FBXO33: variants seen among roughly 807,000 people sequenced by gnomAD.
The protein encoded by FBXO33 is F-box protein 33.
A neutral mutation model predicts 46.3 loss-of-function variants in FBXO33; 22 were observed. That is an observed-to-expected ratio of 0.48 (90% CI 0.34 to 0.68). The LOEUF is 0.68. Among genes scored for constraint, FBXO33 ranks in the 30% least tolerant of loss-of-function variants. The pLI is 0.01. For synonymous variants in FBXO33, 337 were observed against 291.3 expected, an observed-to-expected ratio of 1.16 and a Z score of -1.60; for missense variants, 692 against 708.8, an observed-to-expected ratio of 0.98 and a Z score of 0.27.
chr14:39,402,802 C>A (rs2075374950), intron 1 of FBXO33, among the ~76,000 whole-genome samples: 1 of 151,790 alleles, frequency 6.6e-6, no homozygotes, highest in Non-Finnish European at 1.5e-5. Flanking sequence ...CCTGCCTCAG[C>A]CTCCCGACTA....
chr14:39,399,607 T>A lies in FBXO33; in HGVS notation c.1577A>T (p.His526Leu), dbSNP rs759763967. ...GAGTGATTCGATGTCCATGACTGCA[T>A]GCCAAGGTTGACCCAGGCCCAGGGA... is the stretch of plus-strand genomic sequence containing the variant. ...QVSLGLGQPW[H>L]AVMDIESLSV... The change falls in exon 4 of 4, where the codon CAT becomes CTT. Residue 526 changes from histidine (H) to leucine (L), a missense_variant. Transcript: ENST00000298097. 6.2e-7 allele frequency: 1 copy of A among 1,613,924 alleles called. No homozygotes were observed. Among genetic ancestry groups the A allele is most frequent in the Non-Finnish European group, 8.5e-7 (1 of 1,179,940 alleles).
At chr14:39,419,348 T>G (rs554745383) in intron 1 of FBXO33, among the ~76,000 whole-genome samples, 13 of 152,322 alleles carry the variant, frequency 8.5e-5, no homozygotes, top group Admixed American at 8.5e-4. Context: ...CTTTAAAAGT[T>G]AGAAAACCAT....
At chr14:39,405,097 C>T (rs1216905609) in intron 1 of FBXO33, among the ~76,000 whole-genome samples, 3 of 145,006 alleles carry the variant, frequency 2.1e-5, no homozygotes, top group African/African-American at 5.2e-5. Flanking sequence ...TGCAGTGAGC[C>T]GAGATCACGC....
chr14:39,430,015 T>C (rs1208550174), intron 1 of FBXO33, among the ~76,000 whole-genome samples: 2 of 152,246 alleles, frequency 1.3e-5, no homozygotes, highest in African/African-American at 2.4e-5. Flanking sequence ...AGTGTTTGCA[T>C]GGTTGCATAA....
At chr14:39,417,550 A>G (rs199744825) in intron 1 of FBXO33, among the ~76,000 whole-genome samples, 1 of 146,436 alleles carries the variant, frequency 6.8e-6, no homozygotes, top group Admixed American at 6.8e-5. Context: ...TTTTTTTTTG[A>G]AACAGAGTCT....
At chr14:39,415,227 G>A (rs1303491139) in intron 1 of FBXO33, among the ~76,000 whole-genome samples, 1 of 152,122 alleles carries the variant, frequency 6.6e-6, no homozygotes, top group African/African-American at 2.4e-5. Context: ...TAGCCCAGGA[G>A]GTGAGGCTGC....
At chr14:39,431,428 G>GA (rs2075548831) in intron 1 of FBXO33, 136 bp downstream of exon 1, 7 of 1,474,968 alleles carry the variant, frequency 4.7e-6, no homozygotes, top group South Asian at 2.4e-5. Flanking sequence ...CGCCTAGTTA[G>GA]AACCAACACT....
At chr14:39,424,321 G>A (rs12587625) in intron 1 of FBXO33, among the ~76,000 whole-genome samples, 40,294 of 151,848 alleles carry the variant, frequency 0.27, 5,569 homozygotes, top group East Asian at 0.51. Context: ...ATATTTCTTC[G>A]TAGCATATAT....
chr14:39,427,020 A>G (rs961516492), intron 1 of FBXO33, among the ~76,000 whole-genome samples: 1 of 152,116 alleles, frequency 6.6e-6, no homozygotes, highest in Non-Finnish European at 1.5e-5. Flanking sequence ...AAAACCCTAG[A>G]TTTTCTATAA....
At chr14:39,400,172 G>A (rs1435981926) in intron 3 of FBXO33, among the ~76,000 whole-genome samples, 2 of 152,290 alleles carry the variant, frequency 1.3e-5, no homozygotes, top group East Asian at 1.9e-4. Flanking sequence ...TTAACCACAC[G>A]TGGTAAATGT....
chr14:39,402,663 A>C, intron 1 of FBXO33, 152 bp from the exon 2 acceptor site: 1 of 300,024 alleles, frequency 3.3e-6, no homozygotes, highest in Non-Finnish European at 5.8e-6. Flanking sequence ...AGATTGCTTT[A>C]TACATATATT....
intron 1 of FBXO33, among the ~76,000 whole-genome samples, chr14:39,425,788 T>C (rs1023654246): frequency 5.9e-5 from 9 of 152,354 alleles, no homozygotes; most frequent in Middle Eastern, 3.4e-3. Context: ...ACTAGCCATA[T>C]GTGACTATTG....
intron 3 of FBXO33, among the ~76,000 whole-genome samples, chr14:39,400,608 A>G (rs2075364181): frequency 6.6e-6 from 1 of 152,230 alleles, no homozygotes. Context: ...AAGAGAGTTT[A>G]AGACATTCTT....
chr14:39,401,738 G>A lies in FBXO33; in HGVS notation c.834C>T (p.Asn278=). 1.9e-6 allele frequency: 3 copies of A among 1,614,210 alleles called. No individual in the cohort carries two copies. The highest frequency in any genetic ancestry group is 2.5e-6 in the Non-Finnish European group (3 of 1,180,042). ...SLSSLSNAVA[N]TMEHLSLLDN... ...CCAGTAAACTGAGGTGCTCCATGGT[G>A]TTGGCAACAGCATTAGAGAGAGATG... Residue 278 remains asparagine (N), a synonymous_variant, in exon 3 of 4, where the codon AAC becomes AAT. Transcript: ENST00000298097.
At chr14:39,416,448 C>T (rs2075449201) in intron 1 of FBXO33, among the ~76,000 whole-genome samples, 1 of 152,218 alleles carries the variant, frequency 6.6e-6, no homozygotes, top group South Asian at 2.1e-4. Flanking sequence ...TTTCTTGAAA[C>T]AGCTTTCTGC....
chr14:39,415,398 G>A (rs1300284560), intron 1 of FBXO33, among the ~76,000 whole-genome samples: 1 of 152,196 alleles, frequency 6.6e-6, no homozygotes, highest in Non-Finnish European at 1.5e-5. Context: ...GTTGCTTGAT[G>A]CAGGGTTGCC....
At chr14:39,420,124 TAC>T (rs2075473694) in intron 1 of FBXO33, among the ~76,000 whole-genome samples, 1 of 152,232 alleles carries the variant, frequency 6.6e-6, no homozygotes, top group Non-Finnish European at 1.5e-5. Flanking sequence ...CTTATTTAAT[TAC>T]TAAAATATGT....
At chr14:39,429,839 G>A (rs2075534304) in intron 1 of FBXO33, among the ~76,000 whole-genome samples, 2 of 152,258 alleles carry the variant, frequency 1.3e-5, no homozygotes, top group Non-Finnish European at 2.9e-5. Context: ...AAAATTGTAG[G>A]GGTAAGGAAG....
chr14:39,402,527 T>A lies in FBXO33; in HGVS notation c.600-16A>T. The A allele has an allele frequency of 7.8e-7, 1 of 1,284,508 alleles. No homozygotes were observed. The highest frequency in any genetic ancestry group is 1.1e-6 in the Non-Finnish European group (1 of 952,080). 79.6% of individuals were successfully genotyped at this position (1,284,508 alleles called of 1,614,324 possible). A position where few individuals can be genotyped will look rare whatever the true frequency, so the allele number is the denominator to read the frequency against. On this transcript the variant is annotated splice_polypyrimidine_tract_variant and intron_variant, in intron 1 of 3. Transcript: ENST00000298097. Reference sequence around the variant, plus strand: ...CTGAAGGTTCCTACAAGAACAATCATTTAAAATGATTTGCTAAATAATTTA... The same window carrying A: ...CTGAAGGTTCCTACAAGAACAATCAATTAAAATGATTTGCTAAATAATTTA...
Sources: gnomAD v4.1 joint callset for allele counts (sites outside exome capture counted in the v4.1 genomes callset) on GRCh38, gnomAD v4.1.1 for gene constraint, MANE v1.5 for transcripts, NCBI Gene and HGNC (gene_info 2026-07-23, HGNC 2026-07-21) for gene names.